The following L3MBTL3 variants were observed in gnomAD, a reference collection of about 807,000 sequenced individuals.
The protein encoded by L3MBTL3 is lethal(3)malignant brain tumor-like protein 3.
A neutral mutation model predicts 102.3 loss-of-function variants in L3MBTL3; 27 were observed. The ratio of observed to expected loss-of-function variants is 0.26; its 90% CI spans 0.19 to 0.36. L3MBTL3 has a LOEUF of 0.36. Ranked by LOEUF, L3MBTL3 falls within the 10% of genes least tolerant of loss-of-function variation. The probability of loss-of-function intolerance (pLI) is 1.00; values close to 1 mark genes in which losing one functional copy is unlikely to be tolerated. For missense variants in L3MBTL3, 798 were observed against 955.3 expected (o/e 0.84, Z 2.17); for synonymous variants, 340 against 320.9 (o/e 1.06, Z -0.64).
chr6:130,089,997 A>G (rs773058329), intron 16 of L3MBTL3, among the ~76,000 whole-genome samples: 10 of 152,242 alleles, frequency 6.6e-5, no homozygotes, highest in Admixed American at 3.9e-4. Flanking sequence ...GCCTGGTACA[A>G]AGCTTTCATC....
At chr6:130,059,983 T>G in intron 9 of L3MBTL3, 53 bp from the exon 10 acceptor site, 1 of 965,284 alleles carries the variant, frequency 1.0e-6, no homozygotes, top group Non-Finnish European at 1.6e-6. Context: ...ATTTACATCT[T>G]TAAATAGGGC....
chr6:130,092,853 C>A lies in L3MBTL3; in HGVS notation c.1627C>A (p.Pro543Thr). The A allele has an allele frequency of 6.3e-7, 1 of 1,579,454 alleles. No individual in the cohort carries two copies. Among genetic ancestry groups the A allele is most frequent in the East Asian group, 2.2e-5 (1 of 44,678 alleles). ...CSKTGHPLQPPLSPLELMEAS... is the reference protein window; with the variant it reads ...CSKTGHPLQPTLSPLELMEAS... ...AAAAACAGGACATCCCCTTCAGCCT[C>A]CTTTGAGTAAGAGACACGAATAGCT... The change falls in exon 17 of 23, where the codon CCT (proline) becomes ACT (threonine). Residue 543 changes from proline (P) to threonine (T), a missense_variant. Transcript: ENST00000361794.
chr6:130,088,523 C>T (rs79083812), intron 16 of L3MBTL3, among the ~76,000 whole-genome samples: 117 of 152,294 alleles, frequency 7.7e-4, no homozygotes, highest in African/African-American at 2.7e-3. Flanking sequence ...TTTAAGATTA[C>T]ATATTTCACA....
At chr6:130,049,891 A>G in intron 5 of L3MBTL3, 61 bp downstream of exon 5, 1 of 1,548,594 alleles carries the variant, frequency 6.5e-7, no homozygotes. Flanking sequence ...TCCCCTCCCC[A>G]CAAACCTGCT....
intron 1 of L3MBTL3, chr6:130,019,330 C>G (rs888738702): frequency 1.4e-5 from 2 of 145,410 alleles, no homozygotes; most frequent in Non-Finnish European, 1.5e-5. Context: ...CGGGGGCGGC[C>G]GGGGCCGCGG....
At chr6:130,119,497 TC>T (rs1785976041) in intron 19 of L3MBTL3, among the ~76,000 whole-genome samples, 1 of 152,192 alleles carries the variant, frequency 6.6e-6, no homozygotes, top group South Asian at 2.1e-4. Flanking sequence ...TATCAATACT[TC>T]AACTAATGTT....
At chr6:130,097,756 G>A (rs1340796020) in intron 18 of L3MBTL3, among the ~76,000 whole-genome samples, 4 of 152,004 alleles carry the variant, frequency 2.6e-5, no homozygotes, top group Admixed American at 2.6e-4. Flanking sequence ...AGAGATTAAA[G>A]GAAATAAAGT....
intron 1 of L3MBTL3, among the ~76,000 whole-genome samples, chr6:130,020,199 C>T (rs1272635885): frequency 6.7e-6 from 1 of 149,740 alleles, no homozygotes; most frequent in South Asian, 2.1e-4. Flanking sequence ...CACTCGCGTC[C>T]TGGGCCCCGC....
At chr6:130,079,269 A>G (rs1346189217) in intron 14 of L3MBTL3, among the ~76,000 whole-genome samples, 1 of 152,082 alleles carries the variant, frequency 6.6e-6, no homozygotes, top group African/African-American at 2.4e-5. Context: ...TGGTTCCAAA[A>G]TAGATTTTGC....
At chr6:130,077,607 C>T (rs989234480) in intron 13 of L3MBTL3, among the ~76,000 whole-genome samples, 4 of 152,288 alleles carry the variant, frequency 2.6e-5, no homozygotes, top group East Asian at 1.9e-4. Context: ...AGTTTGGCTT[C>T]GTTGACTGTG....
At chr6:130,081,933 T>G (rs550163942) in intron 14 of L3MBTL3, among the ~76,000 whole-genome samples, 8 of 152,272 alleles carry the variant, frequency 5.3e-5, no homozygotes, top group African/African-American at 1.4e-4. Context: ...TTTTATGACC[T>G]TAATAAGTTT....
intron 19 of L3MBTL3, among the ~76,000 whole-genome samples, chr6:130,114,221 A>T (rs1034475679): frequency 6.6e-6 from 1 of 152,206 alleles, no homozygotes; most frequent in Non-Finnish European, 1.5e-5. Flanking sequence ...CACAGTTCTG[A>T]TGCCAACCAC....
rs141344129 is a variant in L3MBTL3, at chr6:130,076,066, G to A, written c.1245-2492G>A. The stretch of plus-strand genomic sequence containing the variant: ...TTGGGGTTTAGTAGTAAAGTGCAGA[G>A]TAATGGAGGCCCTGAAGAGTTCACA... On this transcript the variant is annotated intron_variant, in intron 13 of 22. Transcript: ENST00000361794. Among the ~76,000 whole-genome samples the A allele has an allele frequency of 4.1e-4, 62 of 152,290 alleles. No individual in the cohort carries two copies. In the East Asian group the frequency reaches 0.011, roughly 26 times the overall value.
intron 16 of L3MBTL3, among the ~76,000 whole-genome samples, chr6:130,092,342 T>C (rs572102731): frequency 2.0e-5 from 3 of 152,212 alleles, no homozygotes; most frequent in African/African-American, 7.2e-5. Context: ...CTCCTTCCTC[T>C]CTACCCTCCC....
intron 20 of L3MBTL3, among the ~76,000 whole-genome samples, chr6:130,128,950 G>A (rs556788004): frequency 1.1e-4 from 16 of 152,196 alleles, no homozygotes; most frequent in Middle Eastern, 3.4e-3. Context: ...GTGCAGGGTC[G>A]GTAGAGGCAC....
chr6:130,059,435 C>T (rs1781749071), intron 9 of L3MBTL3, among the ~76,000 whole-genome samples: 1 of 152,120 alleles, frequency 6.6e-6, no homozygotes, highest in African/African-American at 2.4e-5. Context: ...CATCTTAGGC[C>T]TGTTCTGTAA....
At chr6:130,080,611 A>G (rs2115090683) in intron 14 of L3MBTL3, among the ~76,000 whole-genome samples, 1 of 152,344 alleles carries the variant, frequency 6.6e-6, no homozygotes, top group South Asian at 2.1e-4. Flanking sequence ...AACATGAGGC[A>G]AAGAACCAAG....
chr6:130,056,711 CT>C (rs1285768906), intron 8 of L3MBTL3, among the ~76,000 whole-genome samples: 1 of 152,130 alleles, frequency 6.6e-6, no homozygotes, highest in South Asian at 2.1e-4. Context: ...CTCAGATGAA[CT>C]TCCAGGCCCC....
intron 19 of L3MBTL3, among the ~76,000 whole-genome samples, chr6:130,112,604 C>T (rs1305604736): frequency 6.6e-6 from 1 of 152,168 alleles, no homozygotes; most frequent in Non-Finnish European, 1.5e-5. Context: ...ATGAGGCTGC[C>T]TACCAGTCAC....
Sources: allele counts gnomAD v4.1 joint callset (sites outside exome capture counted in the v4.1 genomes callset), GRCh38; gene constraint gnomAD v4.1.1; transcripts MANE v1.5; gene names NCBI Gene and HGNC (gene_info 2026-07-23, HGNC 2026-07-21).